The following SERINC5 variants were observed in gnomAD, a reference collection of about 807,000 sequenced individuals.
SERINC5 encodes the protein serine incorporator 5, also known as chromosome 5 open reading frame 12.
A neutral mutation model predicts 63.1 loss-of-function variants in SERINC5; 41 were observed. The observed-to-expected ratio is 0.65, with a 90% CI of 0.51 to 0.84. The LOEUF (loss-of-function observed/expected upper bound fraction) is 0.84. Among genes scored for constraint, SERINC5 ranks in the 40% least tolerant of loss-of-function variants. The pLI is 0.00. For synonymous variants in SERINC5, 222 were observed against 215.2 expected (o/e 1.03, Z -0.28); for missense variants, 523 against 573.0 (o/e 0.91, Z 0.89).
chr5:80,134,460 TG>T (rs1192881493), downstream of SERINC5, among the ~76,000 whole-genome samples: 2 of 152,226 alleles, frequency 1.3e-5, no homozygotes, highest in Non-Finnish European at 2.9e-5. Flanking sequence ...CACTCCAGCC[TG>T]GGTGATAGAG....
At chr5:80,114,037 C>A (rs1360709193) in intron 11 of SERINC5, among the ~76,000 whole-genome samples, 1 of 152,022 alleles carries the variant, frequency 6.6e-6, no homozygotes. Flanking sequence ...CCTCAATTAA[C>A]AATGACCTGC....
chr5:80,115,569 T>C (rs1012430690), intron 11 of SERINC5, among the ~76,000 whole-genome samples: 2 of 152,070 alleles, frequency 1.3e-5, no homozygotes, highest in African/African-American at 4.8e-5. Context: ...ATTTGTTCTA[T>C]TTCATAATCT....
chr5:80,186,831 AGTT>A (rs972069400), intron 2 of SERINC5, among the ~76,000 whole-genome samples: 2 of 152,146 alleles, frequency 1.3e-5, no homozygotes, highest in African/African-American at 4.8e-5. Context: ...TGAAAGTTGT[AGTT>A]GTGTAATCGT....
chr5:80,204,082 C>T (rs1481808485), intron 1 of SERINC5, among the ~76,000 whole-genome samples: 3 of 152,172 alleles, frequency 2.0e-5, no homozygotes, highest in African/African-American at 7.2e-5. Flanking sequence ...CTCTGGCGCT[C>T]GGGACCCTTC....
At chr5:80,229,972 T>C (rs528506386) in intron 1 of SERINC5, among the ~76,000 whole-genome samples, 1 of 152,274 alleles carries the variant, frequency 6.6e-6, no homozygotes, top group South Asian at 2.1e-4. Flanking sequence ...AGGGCTGGGA[T>C]CTAAACCTAG....
At position 80,213,386 on chromosome 5, in the gene SERINC5, C is replaced by T. The variant is rs140436298; in HGVS notation, c.28-10333G>A. Among the ~76,000 whole-genome samples the T allele has an allele frequency of 1.1e-4, 16 of 152,256 alleles. No homozygotes were observed. In the South Asian group the frequency reaches 1.2e-3, roughly 12 times the overall value. ...TACAATCATCCCTATTTTACAGAGA[C>T]GAGACCAAGGCTCAGAGAGGTTAAA... is the stretch of plus-strand genomic sequence containing the variant. On this transcript the variant is annotated intron_variant, in intron 1 of 11. Coordinates refer to ENST00000507668, the MANE Select transcript of SERINC5 (RefSeq NM_001174072.3).
At chr5:80,174,088 G>C (rs1747855661) in intron 5 of SERINC5, among the ~76,000 whole-genome samples, 1 of 152,036 alleles carries the variant, frequency 6.6e-6, no homozygotes, top group African/African-American at 2.4e-5. Flanking sequence ...AAGGGGCACT[G>C]AAGCCGAACA....
At chr5:80,183,717 A>G (rs1406365673) in intron 2 of SERINC5, among the ~76,000 whole-genome samples, 1 of 150,412 alleles carries the variant, frequency 6.6e-6, no homozygotes, top group African/African-American at 2.4e-5. Context: ...CCTGCCCACC[A>G]GAGAACAACC....
intron 1 of SERINC5, among the ~76,000 whole-genome samples, chr5:80,244,103 G>A (rs1200839483): frequency 6.6e-6 from 1 of 151,998 alleles, no homozygotes; most frequent in Non-Finnish European, 1.5e-5. Flanking sequence ...CTTAATCTGT[G>A]CTTCCTTTTA....
intron 12 of SERINC5, among the ~76,000 whole-genome samples, chr5:80,112,035 A>G (rs1480727482): frequency 6.6e-6 from 1 of 152,250 alleles, no homozygotes; most frequent in Non-Finnish European, 1.5e-5. Context: ...TCTGCCCAGG[A>G]AAACCGGGTA....
In SERINC5 at chr5:80,177,397, G is replaced by T. The variant is rs757782596; in HGVS notation, c.375C>A (p.Gly125=). ...ACAGCAGAAGTTTAAAGAACCAAAA[G>T]CTAGAAGTGGGGGGAAAAAAAAGAG... The part of the protein sequence containing the change: ...SKSCRAHIHN[G]FWFFKLLLLG... Residue 125 remains glycine (G), a splice_region_variant and synonymous_variant, in exon 4 of 12, where the codon GGC becomes GGA. Coordinates refer to ENST00000507668, the MANE Select transcript of SERINC5 (RefSeq NM_001174072.3). 1 of 1,611,692 alleles carries T rather than the reference G, an allele frequency of 6.2e-7. No individual in the cohort carries two copies.
At chr5:80,210,820 T>C (rs1305554119) in intron 1 of SERINC5, among the ~76,000 whole-genome samples, 1 of 152,176 alleles carries the variant, frequency 6.6e-6, no homozygotes, top group African/African-American at 2.4e-5. Flanking sequence ...TTAGTTGTCA[T>C]CACTTGTAAG....
chr5:80,162,284 G>A (rs1038751943), intron 7 of SERINC5, among the ~76,000 whole-genome samples: 1 of 152,190 alleles, frequency 6.6e-6, no homozygotes, highest in Non-Finnish European at 1.5e-5. Flanking sequence ...CGCTAAATCT[G>A]TAAGACTGCT....
In SERINC5 at chr5:80,143,443, A is replaced by T; in HGVS notation, c.*220T>A. On this transcript the variant is annotated 3_prime_UTR_variant, in exon 12 of 12. Transcript: ENST00000507668. ...CTAGGGGTAAGATATTTCAACCATGATCAGTTTGGTTGAAAATTTCAATTC... is the reference window on the plus strand; with the variant it reads ...CTAGGGGTAAGATATTTCAACCATGTTCAGTTTGGTTGAAAATTTCAATTC... 7.6e-7 allele frequency: 1 copy of T among 1,314,466 alleles called. No homozygotes were observed. Among genetic ancestry groups the T allele is most frequent in the Non-Finnish European group, 9.7e-7 (1 of 1,033,324 alleles). The allele number at this position is 1,314,466 out of a possible 1,614,324, so 81.4% of individuals were successfully genotyped here.
chr5:80,161,148 C>T (rs1332038869), intron 7 of SERINC5, among the ~76,000 whole-genome samples: 1 of 151,866 alleles, frequency 6.6e-6, no homozygotes. Context: ...GTGAACAGTG[C>T]TGCGATAAAC....
At position 80,177,342 on chromosome 5, in the gene SERINC5, T is replaced by A. The variant is rs1400240480; in HGVS notation, c.430A>T (p.Ile144Phe). ...TTCAGAAAGGTGTCCTGATCTGGAATGAAGAAAGCTCCTGAGCACATGGCC... is the reference window on the plus strand; with the variant it reads ...TTCAGAAAGGTGTCCTGATCTGGAAAGAAGAAAGCTCCTGAGCACATGGCC... ...LGAMCSGAFFIPDQDTFLNAW... is the reference protein window; with the variant it reads ...LGAMCSGAFFFPDQDTFLNAW... Residue 144 changes from isoleucine to phenylalanine, a missense_variant, in exon 4 of 12, where the codon ATT becomes TTT. Physicochemically the swap from Ile to Phe is conservative, Grantham distance 21. Coordinates refer to ENST00000507668, the MANE Select transcript of SERINC5 (RefSeq NM_001174072.3). 1.2e-6 allele frequency: 2 copies of A among 1,613,436 alleles called. No individual in the cohort carries two copies. Among genetic ancestry groups the A allele is most frequent in the Admixed American group, 1.7e-5 (1 of 59,988 alleles).
At position 80,250,365 on chromosome 5, in the gene SERINC5, G is replaced by A. The variant is rs1031610009; in HGVS notation, c.27+5531C>T. On this transcript the variant is annotated intron_variant, in intron 1 of 11. Coordinates refer to ENST00000507668, the MANE Select transcript of SERINC5 (RefSeq NM_001174072.3). Reference sequence around the variant, plus strand: ...CATCATTATTATTATTTTTTGAAACGGAGTCTCGCTGTCTTGCCCAAGCTG... The same window carrying A: ...CATCATTATTATTATTTTTTGAAACAGAGTCTCGCTGTCTTGCCCAAGCTG... Among the ~76,000 whole-genome samples the A allele has an allele frequency of 9.2e-5, 14 of 152,092 alleles. 1 individual carries two copies. The highest frequency in any genetic ancestry group is 6.6e-5 in the Admixed American group (1 of 15,258).
chr5:80,140,844 C>A lies in SERINC5; in HGVS notation c.*2819G>T. On this transcript the variant is annotated 3_prime_UTR_variant, in exon 12 of 12. Transcript: ENST00000507668. ...GCAGCTTTAAAAAAGTCCTCTTCAA[C>A]TGTCATCCCTAAATGTGTCTGACCA... The A allele has an allele frequency of 1.0e-6, 1 of 985,416 alleles. No homozygotes were observed. Among genetic ancestry groups the A allele is most frequent in the Non-Finnish European group, 1.2e-6 (1 of 829,934 alleles). The allele number at this position is 985,416 out of a possible 1,614,324, so 61.0% of individuals were successfully genotyped here.
intron 11 of SERINC5, among the ~76,000 whole-genome samples, chr5:80,124,250 A>G (rs1208465983): frequency 1.3e-5 from 2 of 152,130 alleles, no homozygotes; most frequent in African/African-American, 4.8e-5. Flanking sequence ...GAGAAAGCCA[A>G]ATGGGCACCC....
Sources: gnomAD v4.1 joint callset for allele counts (sites outside exome capture counted in the v4.1 genomes callset) on GRCh38, gnomAD v4.1.1 for gene constraint, MANE v1.5 for transcripts, NCBI Gene and HGNC (gene_info 2026-07-23, HGNC 2026-07-21) for gene names.